The following COL14A1 variants were observed in gnomAD, a reference collection of about 807,000 sequenced individuals.
The protein encoded by COL14A1 is collagen alpha-1(XIV) chain.
COL14A1 carries 136 observed loss-of-function variants against 230.3 expected under a neutral mutation model. The ratio of observed to expected loss-of-function variants is 0.59; its 90% CI spans 0.51 to 0.68. The LOEUF (loss-of-function observed/expected upper bound fraction) is 0.68, where lower values mean the gene tolerates loss of function less well. COL14A1 is among the 30% of genes least tolerant of loss of function. The probability of loss-of-function intolerance (pLI) is 0.00; values close to 1 mark genes in which losing one functional copy is unlikely to be tolerated. For missense variants in COL14A1, 1,976 were observed against 2,215.8 expected, an observed-to-expected ratio of 0.89 and a Z score of 2.17; for synonymous variants, 792 against 784.1, an observed-to-expected ratio of 1.01 and a Z score of -0.17.
chr8:120,310,940 C>T (rs1342936013), intron 37 of COL14A1, among the ~76,000 whole-genome samples: 1 of 152,186 alleles, frequency 6.6e-6, no homozygotes, highest in African/African-American at 2.4e-5. Context: ...CCTCTCCATC[C>T]ATCTTGCTTG....
At chr8:120,220,166 C>T (rs1817884191) in intron 14 of COL14A1, among the ~76,000 whole-genome samples, 2 of 151,784 alleles carry the variant, frequency 1.3e-5, no homozygotes, top group Non-Finnish European at 2.9e-5. Flanking sequence ...ATTTAAGCTT[C>T]TATTTATAGA....
At chr8:120,262,228 T>C (rs1229046889) in intron 23 of COL14A1, among the ~76,000 whole-genome samples, 4 of 152,068 alleles carry the variant, frequency 2.6e-5, no homozygotes, top group Non-Finnish European at 5.9e-5. Flanking sequence ...ATCCCAGCAC[T>C]TTCAGAGGCT....
intron 40 of COL14A1, among the ~76,000 whole-genome samples, chr8:120,329,929 G>A: frequency 6.6e-6 from 1 of 152,068 alleles, no homozygotes; most frequent in Admixed American, 6.5e-5. Context: ...GGGTTAGGGG[G>A]TCTCTGCTCC....
rs561824040 is a variant in COL14A1, at chr8:120,195,683, G to C, written c.437-1108G>C. 7.9e-5 allele frequency among the ~76,000 whole-genome samples: 12 copies of C among 152,272 alleles called. No homozygotes were observed. The East Asian group carries it at 1.9e-3, about 25-fold the overall frequency. On this transcript the variant is annotated intron_variant, in intron 5 of 47. Transcript: ENST00000297848. ...TGGCAGGCAAGAGCACGTGTGCAGA[G>C]GGAATCTCCCTTTTATAAAACCATC...
At chr8:120,305,659 A>G (rs1459564106) in intron 36 of COL14A1, among the ~76,000 whole-genome samples, 1 of 152,156 alleles carries the variant, frequency 6.6e-6, no homozygotes, top group Non-Finnish European at 1.5e-5. Flanking sequence ...ATTTACATCC[A>G]CAACTTTAAT....
chr8:120,361,069 T>C (rs967293649), intron 45 of COL14A1, among the ~76,000 whole-genome samples: 13 of 152,114 alleles, frequency 8.5e-5, no homozygotes, highest in Non-Finnish European at 1.8e-4. Context: ...CACATTTTTT[T>C]TTTCTCATTG....
chr8:120,263,894 C>T (rs891431873), intron 24 of COL14A1, among the ~76,000 whole-genome samples: 3 of 152,140 alleles, frequency 2.0e-5, no homozygotes, highest in African/African-American at 4.8e-5. Flanking sequence ...AAATCATCTT[C>T]TTTTACGTAA....
intron 4 of COL14A1, among the ~76,000 whole-genome samples, chr8:120,166,923 G>T (rs994713916): frequency 1.4e-5 from 1 of 71,458 alleles, no homozygotes. Flanking sequence ...TGTGTGTGTG[G>T]TGGTGATGAT....
intron 8 of COL14A1, among the ~76,000 whole-genome samples, chr8:120,202,841 G>T (rs1817294274): frequency 1.3e-5 from 2 of 151,742 alleles, no homozygotes; most frequent in African/African-American, 4.8e-5. Flanking sequence ...ATGGTATTCA[G>T]TAGATACTGT....
chr8:120,241,788 T>C (rs1408166245), intron 19 of COL14A1, among the ~76,000 whole-genome samples: 1 of 152,018 alleles, frequency 6.6e-6, no homozygotes, highest in Non-Finnish European at 1.5e-5. Context: ...ATTCTTGGGG[T>C]TTCGGTATGG....
intron 36 of COL14A1, among the ~76,000 whole-genome samples, chr8:120,301,328 T>C (rs1820702983): frequency 6.6e-6 from 1 of 152,230 alleles, no homozygotes; most frequent in East Asian, 1.9e-4. Context: ...ACTCAATAGC[T>C]ATTTTTCTGC....
At chr8:120,357,226 T>C (rs574177840) in intron 45 of COL14A1, among the ~76,000 whole-genome samples, 4 of 152,290 alleles carry the variant, frequency 2.6e-5, no homozygotes, top group African/African-American at 9.6e-5. Flanking sequence ...AGGAGGCCAG[T>C]CATCTGAAGG....
chr8:120,359,219 G>A lies in COL14A1; in HGVS notation c.5078-7952G>A, dbSNP rs140141941. On this transcript the variant is annotated intron_variant, in intron 45 of 47. Coordinates refer to ENST00000297848, the MANE Select transcript of COL14A1 (RefSeq NM_021110.4). ...TTAGATATTTGTCCTAATGCTCTCC[G>A]TCCCCTTTCCCCCAACCCCCTGACA... Among the ~76,000 whole-genome samples the A allele has an allele frequency of 9.9e-5, 15 of 151,860 alleles. No homozygotes were observed. The East Asian group carries it at 2.9e-3, about 29-fold the overall frequency.
intron 36 of COL14A1, 150 bp downstream of exon 36, chr8:120,300,968 G>A: frequency 1.5e-6 from 1 of 668,716 alleles, no homozygotes; most frequent in Non-Finnish European, 2.5e-6. Flanking sequence ...TAAGTAACTT[G>A]ATTAAAGAAC....
intron 25 of COL14A1, 152 bp from the exon 26 acceptor site, chr8:120,269,883 C>T: frequency 1.4e-6 from 1 of 693,330 alleles, no homozygotes; most frequent in Non-Finnish European, 2.3e-6. Context: ...GCATAGTGAG[C>T]AGGAGTTTGG....
intron 32 of COL14A1, among the ~76,000 whole-genome samples, chr8:120,284,899 G>A (rs949540350): frequency 2.6e-5 from 4 of 152,062 alleles, no homozygotes; most frequent in Non-Finnish European, 5.9e-5. Context: ...TGCTTTGTAT[G>A]CATATATTCT....
intron 29 of COL14A1, 55 bp from the exon 30 acceptor site, chr8:120,280,656 G>A (rs2129900103): frequency 1.8e-5 from 27 of 1,526,822 alleles, no homozygotes; most frequent in Non-Finnish European, 2.4e-5. Context: ...CAGGGAAAGA[G>A]TATGTTTGTG....
intron 5 of COL14A1, among the ~76,000 whole-genome samples, chr8:120,187,650 T>G (rs926075890): frequency 5.3e-5 from 8 of 152,218 alleles, no homozygotes; most frequent in Non-Finnish European, 1.2e-4. Context: ...GTAAAATTAT[T>G]GGAAGAAGGA....
chr8:120,147,294 A>AT (rs1815129117), intron 1 of COL14A1, among the ~76,000 whole-genome samples: 1 of 152,104 alleles, frequency 6.6e-6, no homozygotes, highest in South Asian at 2.1e-4. Flanking sequence ...AGATGAAAGG[A>AT]TTAGGGGTTA....
Sources: allele counts gnomAD v4.1 joint callset (sites outside exome capture counted in the v4.1 genomes callset), GRCh38; gene constraint gnomAD v4.1.1; transcripts MANE v1.5; gene names NCBI Gene and HGNC (gene_info 2026-07-23, HGNC 2026-07-21).